TBC1D9B: variants seen among roughly 807,000 people sequenced by gnomAD.
TBC1D9B encodes the protein TBC1 domain family member 9B.
TBC1D9B carries 87 observed loss-of-function variants against 121.1 expected under a neutral mutation model. That is an observed-to-expected ratio of 0.72 (90% CI 0.60 to 0.86). The LOEUF (loss-of-function observed/expected upper bound fraction) is 0.86. Ranked by LOEUF, TBC1D9B falls within the 40% of genes least tolerant of loss-of-function variation. The pLI, the probability that TBC1D9B is intolerant of heterozygous loss-of-function variation, is 0.00. For missense variants in TBC1D9B, 1,540 were observed against 1,628.6 expected (o/e 0.95, Z 0.94); for synonymous variants, 668 against 670.1 (o/e 1.00, Z 0.05).
rs1334382343 is a variant in TBC1D9B at position 179,902,814 on chromosome 5, T to C, written c.229+1888A>G. Among the ~76,000 whole-genome samples, 1 of 152,116 alleles carries C rather than the reference T, an allele frequency of 6.6e-6. No homozygotes were observed. Among genetic ancestry groups the C allele is most frequent in the East Asian group, 1.9e-4 (1 of 5,154 alleles). The stretch of plus-strand genomic sequence containing the variant: ...AGCCCCTCCTCTGGCAAACTCTTGC[T>C]GCCCCCAGGGTCCACTCAGGCTCTG... On this transcript the variant is annotated intron_variant, in intron 2 of 20. Coordinates refer to ENST00000355235, the MANE Select transcript of TBC1D9B (RefSeq NM_015043.4). The surrounding 1 kb of genome is among the most constrained non-coding windows in gnomAD (Gnocchi z 4.9).
At chr5:179,903,548 T>C (rs538559116) in intron 2 of TBC1D9B, among the ~76,000 whole-genome samples, 23 of 152,232 alleles carry the variant, frequency 1.5e-4, no homozygotes, top group Middle Eastern at 6.8e-3. Context: ...CAGGGTTAGG[T>C]TCCTGGAGCC....
intron 2 of TBC1D9B, among the ~76,000 whole-genome samples, chr5:179,900,204 A>C (rs1178857822): frequency 6.6e-6 from 1 of 152,146 alleles, no homozygotes; most frequent in African/African-American, 2.4e-5. Context: ...TCAAAAAACA[A>C]AACAACACAC....
chr5:179,870,163 AG>A (rs1760145111), intron 16 of TBC1D9B, 91 bp downstream of exon 16: 6 of 1,560,922 alleles, frequency 3.8e-6, no homozygotes, highest in Middle Eastern at 1.7e-4. Context: ...TACTTGCTGC[AG>A]GGGGAACAGA....
At chr5:179,889,766 C>T (rs973393374) in intron 6 of TBC1D9B, among the ~76,000 whole-genome samples, 14 of 147,716 alleles carry the variant, frequency 9.5e-5, no homozygotes, top group Non-Finnish European at 1.5e-4. Context: ...CCCAGCTACT[C>T]GGGAAGTTGA....
chr5:179,865,441 G>A lies in TBC1D9B; in HGVS notation c.2915-81C>T, dbSNP rs1400296105. On this transcript the variant is annotated intron_variant, in intron 19 of 20. Coordinates refer to ENST00000355235, the MANE Select transcript of TBC1D9B (RefSeq NM_015043.4). This position sits in a 1 kb window ranked among gnomAD's most constrained non-coding sequence, Gnocchi z 5.1. ...ACAGCAGGGAGAGGAAGAGTTGGGT[G>A]TTTTCTGGCATGGAGTTACCAGGGC... 2.2e-6 allele frequency: 3 copies of A among 1,363,084 alleles called. No homozygotes were observed. The East Asian group carries it at 6.9e-5, about 31-fold the overall frequency. The allele number at this position is 1,363,084 out of a possible 1,614,324, so 84.4% of individuals were successfully genotyped here. A position where few individuals can be genotyped will look rare whatever the true frequency, so the allele number is the denominator to read the frequency against.
At chr5:179,901,750 AG>A (rs1347314835) in intron 2 of TBC1D9B, among the ~76,000 whole-genome samples, 51 of 152,396 alleles carry the variant, frequency 3.3e-4, no homozygotes, top group African/African-American at 1.2e-3. Flanking sequence ...CCTGGGCAAC[AG>A]AAAGAGAACG....
rs1027594358 is a variant in TBC1D9B, at chr5:179,885,361, A to T, written c.1254+2742T>A. Among the ~76,000 whole-genome samples the T allele has an allele frequency of 2.0e-5, 3 of 152,172 alleles. No homozygotes were observed. Among genetic ancestry groups the T allele is most frequent in the African/African-American group, 7.2e-5 (3 of 41,434 alleles). On this transcript the variant is annotated intron_variant, in intron 7 of 20. Transcript: ENST00000355235. This position sits in a 1 kb window ranked among gnomAD's most constrained non-coding sequence, Gnocchi z 4.5. ...TCCCAGCACTTTGGGAGGCTGAGGCAGGTGGATCGCCTGAGGTCAGGAGTT... is the reference window on the plus strand; with the variant it reads ...TCCCAGCACTTTGGGAGGCTGAGGCTGGTGGATCGCCTGAGGTCAGGAGTT...
In TBC1D9B at chr5:179,904,151, T is replaced by C. The variant is rs188719455; in HGVS notation, c.229+551A>G. Among the ~76,000 whole-genome samples the C allele has an allele frequency of 2.0e-3, 307 of 151,208 alleles. No homozygotes were observed. The highest frequency in any genetic ancestry group is 7.1e-3 in the African/African-American group (293 of 41,084). ...GACATTGGCTAGCCCCACACCTGCG[T>C]CCCTAGAGGTACATGGGGATCCATG... On this transcript the variant is annotated intron_variant, in intron 2 of 20. Transcript: ENST00000355235. This position sits in a 1 kb window ranked among gnomAD's most constrained non-coding sequence, Gnocchi z 4.2.
At chr5:179,867,144 A>G (rs950358065) in intron 18 of TBC1D9B, 2 of 331,992 alleles carry the variant, frequency 6.0e-6, no homozygotes, top group Middle Eastern at 8.6e-4. Context: ...ACACGCTCCA[A>G]TGACAGCATT....
chr5:179,872,660 A>C, intron 14 of TBC1D9B: 1 of 547,432 alleles, frequency 1.8e-6, no homozygotes, highest in Admixed American at 3.2e-5. Flanking sequence ...GGTGGGAGCC[A>C]TCTGAGAAGC....
At chr5:179,900,751 A>C (rs32460) in intron 2 of TBC1D9B, among the ~76,000 whole-genome samples, 21,676 of 152,222 alleles carry the variant, frequency 0.14, 1,640 homozygotes, top group South Asian at 0.27. Flanking sequence ...GCCTGAAAGA[A>C]GCTGCTCGCA....
In TBC1D9B at chr5:179,907,144, G is replaced by C. The variant is rs555261073; in HGVS notation, c.118+560C>G. On this transcript the variant is annotated intron_variant, in intron 1 of 20. Coordinates refer to ENST00000355235, the MANE Select transcript of TBC1D9B (RefSeq NM_015043.4). The surrounding 1 kb of genome is among the most constrained non-coding windows in gnomAD (Gnocchi z 5.3). ...CACAGCCTTGGGTGCGCAGCTCTGA[G>C]AGCAGCCAGGAGCAGGAAAGGTGGG... Among the ~76,000 whole-genome samples the C allele has an allele frequency of 2.6e-5, 4 of 152,338 alleles. 1 individual carries two copies. The highest frequency in any genetic ancestry group is 9.6e-5 in the African/African-American group (4 of 41,598).
chr5:179,899,956 G>A (rs143459251), intron 2 of TBC1D9B, among the ~76,000 whole-genome samples: 77 of 152,286 alleles, frequency 5.1e-4, no homozygotes, highest in Non-Finnish European at 7.8e-4. Flanking sequence ...AAATCTGGGC[G>A]CCGTGTCTCA....
rs762772283 is a variant in TBC1D9B at position 179,879,701 on chromosome 5, G to T, written c.1343C>A (p.Ala448Glu). ...CAGCAGGCCCTGGGATGCGGTTGGC[G>T]CCTCCTGCGCACAGAAGCTCTGGCG... The part of the protein sequence containing the change: ...SSRQSFCAQE[A>E]PTASQGLLKL... The change falls in exon 8 of 21, where the codon GCG (alanine) becomes GAG (glutamate). Residue 448 changes from alanine to glutamate, a missense_variant. Physicochemically the swap from Ala to Glu is moderately radical, Grantham distance 107. Transcript: ENST00000355235. 6.2e-7 allele frequency: 1 copy of T among 1,614,194 alleles called. No individual in the cohort carries two copies. Among genetic ancestry groups the T allele is most frequent in the Non-Finnish European group, 8.5e-7 (1 of 1,180,024 alleles).
At chr5:179,867,873 T>C (rs1760067350) in intron 17 of TBC1D9B, 24 bp from the exon 18 acceptor site, 1 of 1,506,830 alleles carries the variant, frequency 6.6e-7, no homozygotes, top group South Asian at 1.4e-5. Flanking sequence ...GAAGGCAGAG[T>C]GAGGGCAGGA....
At position 179,905,000 on chromosome 5, in the gene TBC1D9B, T is replaced by A. The variant is rs950438143; in HGVS notation, c.119-188A>T. Among the ~76,000 whole-genome samples, 3 of 152,180 alleles carry A rather than the reference T, an allele frequency of 2.0e-5. No homozygotes were observed. The highest frequency in any genetic ancestry group is 7.2e-5 in the African/African-American group (3 of 41,442). On this transcript the variant is annotated intron_variant, in intron 1 of 20. Transcript: ENST00000355235. This position sits in a 1 kb window ranked among gnomAD's most constrained non-coding sequence, Gnocchi z 4.2. ...CAGTGTCTGATCCCGATCAAAAACATCCCCTTCTACTTCTTCCTGGAAGCA... is the reference window on the plus strand; with the variant it reads ...CAGTGTCTGATCCCGATCAAAAACAACCCCTTCTACTTCTTCCTGGAAGCA...
At chr5:179,888,520 G>A (rs1291235570) in intron 6 of TBC1D9B, among the ~76,000 whole-genome samples, 2 of 152,146 alleles carry the variant, frequency 1.3e-5, no homozygotes, top group Admixed American at 6.5e-5. Flanking sequence ...TTTTCCTGTC[G>A]ATGGCGGGGA....
At position 179,907,705 on chromosome 5, in the gene TBC1D9B, CG is replaced by C. The variant is rs1024136677; in HGVS notation, c.116del (p.Thr39ArgfsTer104). The C allele has an allele frequency of 3.5e-6, 4 of 1,156,444 alleles. No individual in the cohort carries two copies. Among genetic ancestry groups the C allele is most frequent in the Non-Finnish European group, 4.4e-6 (4 of 917,280 alleles). The allele number at this position is 1,156,444 out of a possible 1,614,324, so 71.6% of individuals were successfully genotyped here. A position where few individuals can be genotyped will look rare whatever the true frequency, so the allele number is the denominator to read the frequency against. On this transcript the variant is annotated frameshift_variant and splice_region_variant, in exon 1 of 21. Coordinates refer to ENST00000355235, the MANE Select transcript of TBC1D9B (RefSeq NM_015043.4). LOFTEE classifies it high-confidence loss of function. This position sits in a 1 kb window ranked among gnomAD's most constrained non-coding sequence, Gnocchi z 5.3. ...CCCGGCCGCCCGCGCGCCTCTCACC[CG>C]TAAGGCCGCCGCCCCTGCCGTGGCC... is the stretch of plus-strand genomic sequence containing the variant. ...RRGHGRGGGL[T>X]GLLVGTLDVV...
chr5:179,879,227 G>A (rs1393546556), intron 8 of TBC1D9B, 30 bp from the exon 9 acceptor site: 3 of 1,587,098 alleles, frequency 1.9e-6, no homozygotes, highest in Non-Finnish European at 2.6e-6. Context: ...GGGAGCCTGG[G>A]GGCCGAAGCG....
Sources: gnomAD v4.1 joint callset for allele counts (sites outside exome capture counted in the v4.1 genomes callset) on GRCh38, gnomAD v4.1.1 for gene constraint, Gnocchi (gnomAD v3.1) non-coding constraint, MANE v1.5 for transcripts, NCBI Gene and HGNC (gene_info 2026-07-23, HGNC 2026-07-21) for gene names.